The following HRH1 variants were observed in gnomAD, a reference collection of about 807,000 sequenced individuals.
HRH1 encodes the protein histamine H1 receptor.
A neutral mutation model predicts 10.3 loss-of-function variants in HRH1; 6 were observed. That is an observed-to-expected ratio of 0.58 (90% CI 0.32 to 1.15). The LOEUF is 1.15. Among genes scored for constraint, HRH1 ranks in the 50% most tolerant of loss-of-function variants. The probability of loss-of-function intolerance (pLI) is 0.05; values close to 1 mark genes in which losing one functional copy is unlikely to be tolerated. For missense variants in HRH1, 514 were observed against 615.3 expected (o/e 0.84, Z 1.74); for synonymous variants, 242 against 236.7 (o/e 1.02, Z -0.21).
At chr3:11,163,585 A>T (rs1269903897) in intron 1 of HRH1, among the ~76,000 whole-genome samples, 2 of 152,174 alleles carry the variant, frequency 1.3e-5, no homozygotes, top group African/African-American at 4.8e-5. Context: ...GGGAATGATA[A>T]TAGTCCTCTC....
intron 1 of HRH1, among the ~76,000 whole-genome samples, chr3:11,238,036 CTTTGTTTG>C (rs34450745): frequency 2.2e-4 from 33 of 150,704 alleles, no homozygotes; most frequent in Admixed American, 4.6e-4. Flanking sequence ...TTAATGCTGC[CTTTGTTTG>C]TTTGTTTGTT....
intron 1 of HRH1, among the ~76,000 whole-genome samples, chr3:11,188,199 C>T (rs1179903134): frequency 6.6e-6 from 1 of 152,118 alleles, no homozygotes; most frequent in Non-Finnish European, 1.5e-5. Flanking sequence ...GGTAAGAATG[C>T]AATCAAAGCA....
intron 1 of HRH1, among the ~76,000 whole-genome samples, chr3:11,254,484 C>G (rs1939734963): frequency 6.6e-6 from 1 of 152,236 alleles, no homozygotes. Flanking sequence ...CAAGGAAATA[C>G]TTCACTGCCC....
intron 1 of HRH1, among the ~76,000 whole-genome samples, chr3:11,139,671 C>T (rs979500403): frequency 7.9e-5 from 12 of 151,944 alleles, no homozygotes; most frequent in Admixed American, 1.3e-4. Flanking sequence ...GCGATATTAT[C>T]GAGCCATAAA....
At chr3:11,138,399 G>T (rs1264941015) in intron 1 of HRH1, among the ~76,000 whole-genome samples, 1 of 152,014 alleles carries the variant, frequency 6.6e-6, no homozygotes, top group Non-Finnish European at 1.5e-5. Flanking sequence ...GACTTGAACA[G>T]ACATTTCTCC....
At chr3:11,188,884 G>T (rs1296649387) in intron 1 of HRH1, among the ~76,000 whole-genome samples, 1 of 152,224 alleles carries the variant, frequency 6.6e-6, no homozygotes, top group Non-Finnish European at 1.5e-5. Flanking sequence ...AAAAAAGTAG[G>T]TGTCTGTTTT....
intron 1 of HRH1, among the ~76,000 whole-genome samples, chr3:11,206,544 G>A (rs17034136): frequency 0.24 from 36,053 of 152,220 alleles, 4,403 homozygotes; most frequent in South Asian, 0.38. Flanking sequence ...CTTAACTGAC[G>A]TCATTGTTAT....
chr3:11,169,596 C>A (rs909941519), intron 1 of HRH1, among the ~76,000 whole-genome samples: 5 of 151,996 alleles, frequency 3.3e-5, no homozygotes, highest in Admixed American at 6.6e-5. Flanking sequence ...GTAGGGAGCA[C>A]CCCCTATGAG....
intron 1 of HRH1, among the ~76,000 whole-genome samples, chr3:11,192,033 T>C (rs2125021812): frequency 6.6e-6 from 1 of 152,342 alleles, no homozygotes; most frequent in South Asian, 2.1e-4. Context: ...CCCTGTCCCC[T>C]TGGGTTTCAT....
Position 11,260,317 on chromosome 3 carries a change from G to T in HRH1, c.1280G>T (p.Cys427Phe). 1 of 1,614,206 alleles carries T rather than the reference G, an allele frequency of 6.2e-7. No individual in the cohort carries two copies. The highest frequency in any genetic ancestry group is 8.5e-7 in the Non-Finnish European group (1 of 1,180,040). Residue 427 changes from cysteine to phenylalanine, a missense_variant, in exon 2 of 2, where the codon TGC becomes TTC. By Grantham distance (205) the Cys-to-Phe change is radical. Coordinates refer to ENST00000431010, the MANE Select transcript of HRH1 (RefSeq NM_001098212.2). ...TTTATCATGGCAGCCTTCATCCTCT[G>T]CTGGATCCCTTATTTCATCTTCTTC... ...LGFIMAAFIL[C>F]WIPYFIFFMV...
rs58125465 is a variant in HRH1, at chr3:11,202,438, T to TAAATAAATAAATAAATAAA, written c.-36+47884_-36+47885insAAATAAATAAATAAATAAA. On this transcript the variant is annotated intron_variant, in intron 1 of 1. Coordinates refer to ENST00000431010, the MANE Select transcript of HRH1 (RefSeq NM_001098212.2). ...AATAAATAAATAAATAAATAAATAA[T>TAAATAAATAAATAAATAAA]TAATTAAAAATAAAGGGAACCTTTG... 2.7e-3 allele frequency among the ~76,000 whole-genome samples: 359 copies of TAAATAAATAAATAAATAAA among 133,590 alleles called. 1 individual carries two copies. The highest frequency in any genetic ancestry group is 0.011 in the Middle Eastern group (3 of 268). The allele number at this position is 133,590 out of a possible 152,430, so 87.6% of individuals were successfully genotyped here.
intron 1 of HRH1, among the ~76,000 whole-genome samples, chr3:11,167,352 C>T (rs369062140): frequency 3.8e-4 from 17 of 44,704 alleles, no homozygotes; most frequent in Admixed American, 9.4e-4. Flanking sequence ...GTCCCCTGGC[C>T]TCTCCAGGCC....
At position 11,259,310 on chromosome 3, in the gene HRH1, C is replaced by T. The variant is rs201096523; in HGVS notation, c.273C>T (p.Ser91=). Residue 91 remains serine, a synonymous_variant, in exon 2 of 2, where the codon TCC becomes TCT. Transcript: ENST00000431010. This position sits in a 1 kb window ranked among gnomAD's most constrained non-coding sequence, Gnocchi z 4.6. ...MPMNILYLLM[S]KWSLGRPLCL... ...TGAACATCCTCTACCTGCTCATGTCCAAGTGGTCACTGGGCCGTCCTCTCT... is the reference window on the plus strand; with the variant it reads ...TGAACATCCTCTACCTGCTCATGTCTAAGTGGTCACTGGGCCGTCCTCTCT... 18 of 1,613,548 alleles carry T rather than the reference C, an allele frequency of 1.1e-5. No homozygotes were observed. In the Admixed American group the frequency reaches 2.3e-4, roughly 21 times the overall value.
In HRH1 at chr3:11,184,042, G is replaced by A. The variant is rs116344927; in HGVS notation, c.-36+29488G>A. Among the ~76,000 whole-genome samples the A allele has an allele frequency of 5.5e-3, 837 of 151,994 alleles. 5 individuals carry two copies. The highest frequency in any genetic ancestry group is 6.8e-3 in the Non-Finnish European group (462 of 67,980). ...CAGGCATTGTGTCTCATTCACTGCT[G>A]CATCTCCAGTGCCCGGCACAGTAAA... is the stretch of plus-strand genomic sequence containing the variant. On this transcript the variant is annotated intron_variant, in intron 1 of 1. Transcript: ENST00000431010.
At chr3:11,173,882 TAA>T (rs1171318906) in intron 1 of HRH1, among the ~76,000 whole-genome samples, 2 of 152,176 alleles carry the variant, frequency 1.3e-5, no homozygotes, top group Non-Finnish European at 2.9e-5. Flanking sequence ...CTGCCAGGTG[TAA>T]AGAGTTGTGT....
intron 1 of HRH1, among the ~76,000 whole-genome samples, chr3:11,241,902 A>G (rs1575037414): frequency 6.6e-6 from 1 of 152,018 alleles, no homozygotes; most frequent in Non-Finnish European, 1.5e-5. Flanking sequence ...AGCGCTCTGT[A>G]AAACGCACCA....
intron 1 of HRH1, among the ~76,000 whole-genome samples, chr3:11,138,898 C>T (rs1458648801): frequency 6.6e-6 from 1 of 151,804 alleles, no homozygotes; most frequent in Non-Finnish European, 1.5e-5. Flanking sequence ...TGGTGTCAAA[C>T]TCCTGGGCTC....
At chr3:11,188,201 A>G (rs935473329) in intron 1 of HRH1, among the ~76,000 whole-genome samples, 5 of 152,240 alleles carry the variant, frequency 3.3e-5, no homozygotes, top group African/African-American at 9.6e-5. Flanking sequence ...TAAGAATGCA[A>G]TCAAAGCATA....
chr3:11,254,753 A>G (rs936283680), intron 1 of HRH1, among the ~76,000 whole-genome samples: 3 of 152,226 alleles, frequency 2.0e-5, no homozygotes, highest in Non-Finnish European at 4.4e-5. Context: ...GGTGCCACAA[A>G]GAAAAACAGC....
Sources: allele counts gnomAD v4.1 joint callset (sites outside exome capture counted in the v4.1 genomes callset), GRCh38; gene constraint gnomAD v4.1.1; non-coding constraint Gnocchi (gnomAD v3.1); transcripts MANE v1.5; gene names NCBI Gene and HGNC (gene_info 2026-07-23, HGNC 2026-07-21).